MTUS2: variants seen among roughly 807,000 people sequenced by gnomAD.
The protein encoded by MTUS2 is microtubule associated scaffold protein 2, also known as microtubule-associated tumor suppressor candidate 2.
MTUS2 carries 40 observed loss-of-function variants against 114.1 expected under a neutral mutation model. The observed-to-expected ratio is 0.35, with a 90% confidence interval of 0.27 to 0.46. The LOEUF (loss-of-function observed/expected upper bound fraction) is 0.46, where lower values mean the gene tolerates loss of function less well. MTUS2 is among the 20% of genes least tolerant of loss of function. The pLI, the probability that MTUS2 is intolerant of heterozygous loss-of-function variation, is 1.00. For synonymous variants in MTUS2, 688 were observed against 672.0 expected, an observed-to-expected ratio of 1.02 and a Z score of -0.37; for missense variants, 1,679 against 1,705.4, an observed-to-expected ratio of 0.98 and a Z score of 0.27.
At chr13:29,232,296 A>ACG (rs60135574) in intron 5 of MTUS2, among the ~76,000 whole-genome samples, 12 of 148,658 alleles carry the variant, frequency 8.1e-5, no homozygotes, top group South Asian at 4.2e-4. Context: ...ACACACACAC[A>ACG]CGCGCGCGCG....
At chr13:28,950,141 A>T (rs544797757) in intron 2 of MTUS2, among the ~76,000 whole-genome samples, 1 of 152,318 alleles carries the variant, frequency 6.6e-6, no homozygotes, top group African/African-American at 2.4e-5. Context: ...GATACTAGCC[A>T]TCCTTATGGG....
intron 5 of MTUS2, among the ~76,000 whole-genome samples, chr13:29,203,945 T>G (rs1895072303): frequency 6.6e-6 from 1 of 151,574 alleles, no homozygotes; most frequent in African/African-American, 2.4e-5. Flanking sequence ...TTGCTGGGAG[T>G]TACCGAAGCT....
At chr13:29,270,759 T>A (rs1265911353) in intron 5 of MTUS2, among the ~76,000 whole-genome samples, 1 of 152,194 alleles carries the variant, frequency 6.6e-6, no homozygotes, top group Non-Finnish European at 1.5e-5. Flanking sequence ...CAGCTGCTGC[T>A]CCTTATCCTG....
rs532028577 is a variant in MTUS2, at chr13:28,877,830, T to C, written c.-243+37980T>C. Among the ~76,000 whole-genome samples the C allele has an allele frequency of 7.9e-5, 12 of 152,346 alleles. No individual in the cohort carries two copies. In the South Asian group the frequency reaches 2.5e-3, roughly 32 times the overall value. ...GGTTTACATTGTTGGTTTAAATTTA[T>C]GTAAAATAAATTTAGCATCTGGATT... On this transcript the variant is annotated intron_variant, in intron 2 of 15. Coordinates refer to ENST00000612955, the MANE Select transcript of MTUS2 (RefSeq NM_001033602.4).
intron 2 of MTUS2, among the ~76,000 whole-genome samples, chr13:29,006,226 G>A (rs553268126): frequency 2.6e-5 from 4 of 152,244 alleles, no homozygotes; most frequent in African/African-American, 9.6e-5. Flanking sequence ...CAAAAGTTTA[G>A]TTGTGGGCAC....
At chr13:29,101,310 A>G (rs1296204360) in intron 5 of MTUS2, among the ~76,000 whole-genome samples, 2 of 151,940 alleles carry the variant, frequency 1.3e-5, no homozygotes, top group Non-Finnish European at 2.9e-5. Flanking sequence ...CTGTCATGAA[A>G]CATACTAGAT....
Position 28,910,855 on chromosome 13 carries a change from CTTTTTTTTTTTTTTTTTTTTTTTTT to C in MTUS2, c.-243+71019_-243+71043del, listed in dbSNP as rs555935861. On this transcript the variant is annotated intron_variant, in intron 2 of 15. Transcript: ENST00000612955. ...CTGCAATGAACACACATATACATGGCTTTTTTTTTTTTTTTTTTTTTTTTTTTTTTTTTTTTTTGAGATGGAGTCT... is the reference window on the plus strand; with the variant it reads ...CTGCAATGAACACACATATACATGGCTTTTTTTTTTTTTGAGATGGAGTCT... Among the ~76,000 whole-genome samples, 7 of 58,042 alleles carry C rather than the reference CTTTTTTTTTTTTTTTTTTTTTTTTT, an allele frequency of 1.2e-4. No individual in the cohort carries two copies. The South Asian group carries it at 2.0e-3, about 17-fold the overall frequency. The allele number at this position is 58,042 out of a possible 152,430, so 38.1% of individuals were successfully genotyped here.
chr13:29,049,521 C>T (rs1887793216), intron 4 of MTUS2, among the ~76,000 whole-genome samples: 1 of 152,198 alleles, frequency 6.6e-6, no homozygotes, highest in African/African-American at 2.4e-5. Flanking sequence ...ATGTCGAGGA[C>T]TGTTCTCCTC....
intron 2 of MTUS2, among the ~76,000 whole-genome samples, chr13:28,984,847 G>C (rs533029276): frequency 3.3e-5 from 5 of 152,314 alleles, no homozygotes; most frequent in Non-Finnish European, 7.4e-5. Flanking sequence ...CACACTAAAT[G>C]AGATTTCTCA....
rs945316445 is a variant in MTUS2, at chr13:29,450,307, T to C, written c.3184+10258T>C. Among the ~76,000 whole-genome samples, 7 of 152,126 alleles carry C rather than the reference T, an allele frequency of 4.6e-5. No homozygotes were observed. The South Asian group carries it at 1.5e-3, about 32-fold the overall frequency. ...TTATTACTATGGAAGAAGGGGAGAA[T>C]GTGACTAGCACCCTATGTCATAGGT... On this transcript the variant is annotated intron_variant, in intron 9 of 15. Coordinates refer to ENST00000612955, the MANE Select transcript of MTUS2 (RefSeq NM_001033602.4).
At chr13:29,149,089 G>A (rs1244550091) in intron 5 of MTUS2, among the ~76,000 whole-genome samples, 1 of 151,926 alleles carries the variant, frequency 6.6e-6, no homozygotes, top group Admixed American at 6.6e-5. Context: ...CTAATTCTAG[G>A]TCTTAATCAC....
chr13:28,882,687 T>A (rs754638660), intron 2 of MTUS2, among the ~76,000 whole-genome samples: 1 of 152,202 alleles, frequency 6.6e-6, no homozygotes, highest in African/African-American at 2.4e-5. Flanking sequence ...CAGTGAGCCA[T>A]GATTGTGCTA....
chr13:28,951,706 C>T (rs560935926), intron 2 of MTUS2, among the ~76,000 whole-genome samples: 43 of 151,688 alleles, frequency 2.8e-4, no homozygotes, highest in South Asian at 8.4e-4. Context: ...GGCTGAGGCA[C>T]GAGAATTGCC....
At chr13:29,047,058 A>T (rs772109112) in intron 4 of MTUS2, among the ~76,000 whole-genome samples, 3 of 152,056 alleles carry the variant, frequency 2.0e-5, no homozygotes, top group Non-Finnish European at 2.9e-5. Flanking sequence ...CCAAGGAGGC[A>T]CCCCTCTGCG....
At chr13:28,994,849 A>G (rs892903108) in intron 2 of MTUS2, among the ~76,000 whole-genome samples, 50 of 152,016 alleles carry the variant, frequency 3.3e-4, no homozygotes, top group South Asian at 6.2e-4. Flanking sequence ...CATTCTGTAG[A>G]TTGCCTGTTC....
intron 2 of MTUS2, among the ~76,000 whole-genome samples, chr13:28,845,850 A>C (rs889171445): frequency 2.0e-5 from 3 of 151,824 alleles, no homozygotes; most frequent in African/African-American, 7.3e-5. Flanking sequence ...AGGGGATGGT[A>C]CCTGGCTTGC....
intron 10 of MTUS2, among the ~76,000 whole-genome samples, chr13:29,482,869 C>T: frequency 6.6e-6 from 1 of 152,242 alleles, no homozygotes; most frequent in East Asian, 1.9e-4. Context: ...CCTGATTCTG[C>T]TCCTGCTGCA....
intron 7 of MTUS2, among the ~76,000 whole-genome samples, chr13:29,344,900 T>G (rs898532916): frequency 1.3e-5 from 2 of 152,170 alleles, no homozygotes; most frequent in Non-Finnish European, 2.9e-5. Flanking sequence ...AAAAATTCTG[T>G]GTCTTTCATT....
At chr13:29,381,927 G>A (rs7327391) in intron 8 of MTUS2, among the ~76,000 whole-genome samples, 5 of 152,046 alleles carry the variant, frequency 3.3e-5, no homozygotes, top group Non-Finnish European at 7.3e-5. Flanking sequence ...ACTCTATCAC[G>A]TTGTGCTGAT....
Sources: gnomAD v4.1 joint callset for allele counts (sites outside exome capture counted in the v4.1 genomes callset) on GRCh38, gnomAD v4.1.1 for gene constraint, MANE v1.5 for transcripts, NCBI Gene and HGNC (gene_info 2026-07-23, HGNC 2026-07-21) for gene names.